KIF16B: variants seen among roughly 807,000 people sequenced by gnomAD.
KIF16B encodes kinesin-like protein KIF16B.
Under a neutral mutation model 156.3 loss-of-function variants are expected in KIF16B, and 98 were observed. The ratio of observed to expected loss-of-function variants is 0.63; its 90% CI spans 0.53 to 0.74. KIF16B has a LOEUF of 0.74. Among genes scored for constraint, KIF16B ranks in the 30% least tolerant of loss-of-function variants. KIF16B has a pLI of 0.00. For synonymous variants in KIF16B, 564 were observed against 583.7 expected (o/e 0.97, Z 0.49); for missense variants, 1,421 against 1,606.5 (o/e 0.88, Z 1.97).
chr20:16,461,726 T>C (rs1478598738), intron 12 of KIF16B, among the ~76,000 whole-genome samples: 1 of 152,206 alleles, frequency 6.6e-6, no homozygotes, highest in East Asian at 1.9e-4. Context: ...ACCTAGGTTA[T>C]TAACAAGTAA....
At chr20:16,455,099 AAATTC>A (rs560482324) in intron 12 of KIF16B, among the ~76,000 whole-genome samples, 81 of 152,360 alleles carry the variant, frequency 5.3e-4, no homozygotes, top group Admixed American at 1.2e-3. Context: ...CGAATCCAGG[AAATTC>A]ATGATTCTAC....
chr20:16,418,141 G>A (rs1338929281), intron 15 of KIF16B, among the ~76,000 whole-genome samples: 2 of 151,692 alleles, frequency 1.3e-5, no homozygotes, highest in Admixed American at 1.3e-4. Flanking sequence ...AAAAGGAGAA[G>A]AGAGATCAAG....
chr20:16,509,414 C>A (rs2068888049), intron 6 of KIF16B, among the ~76,000 whole-genome samples: 1 of 152,114 alleles, frequency 6.6e-6, no homozygotes. Flanking sequence ...CCATAGAGGG[C>A]AATTTACACC....
Position 16,369,253 on chromosome 20 carries a change from CA to C in KIF16B, c.3498+1332del, listed in dbSNP as rs973072202. Reference sequence around the variant, plus strand: ...AAGCGGGTCAAGATACCATGCTGGGCAAAACTGCCTTTTCTGTTCAAGGTGT... The same window carrying C: ...AAGCGGGTCAAGATACCATGCTGGGCAAACTGCCTTTTCTGTTCAAGGTGT... On this transcript the variant is annotated intron_variant, in intron 22 of 25. Coordinates refer to ENST00000354981, the MANE Select transcript of KIF16B (RefSeq NM_024704.5). 73 of 985,768 alleles carry C rather than the reference CA, an allele frequency of 7.4e-5. No individual in the cohort carries two copies. The African/African-American group carries it at 1.2e-3, about 16-fold the overall frequency. 61.1% of individuals were successfully genotyped at this position (985,768 alleles called of 1,614,324 possible).
intron 24 of KIF16B, among the ~76,000 whole-genome samples, chr20:16,335,549 G>C (rs1050509918): frequency 6.6e-6 from 1 of 152,048 alleles, no homozygotes; most frequent in Non-Finnish European, 1.5e-5. Flanking sequence ...AAAGAAAAAA[G>C]TGTAAATCTA....
chr20:16,358,936 G>A (rs1372395363), intron 22 of KIF16B, among the ~76,000 whole-genome samples: 1 of 152,138 alleles, frequency 6.6e-6, no homozygotes, highest in African/African-American at 2.4e-5. Flanking sequence ...CCACACAGAG[G>A]GTCAGGCCTT....
At chr20:16,509,281 G>A (rs949849330) in intron 6 of KIF16B, among the ~76,000 whole-genome samples, 3 of 152,180 alleles carry the variant, frequency 2.0e-5, no homozygotes, top group Admixed American at 6.5e-5. Flanking sequence ...TATGAGTAAT[G>A]CTGCTACAAA....
chr20:16,506,032 A>G lies in KIF16B; in HGVS notation c.858T>C (p.Ile286=), dbSNP rs751677834. The G allele has an allele frequency of 8.7e-6, 14 of 1,614,154 alleles. No individual in the cohort carries two copies. Among genetic ancestry groups the G allele is most frequent in the Non-Finnish European group, 1.2e-5 (14 of 1,179,994 alleles). ...CAGGCGTAAGCATACCTAAGGCAGAAATGACGTTCCCCAGAGTCACGAGGG... is the reference window on the plus strand; with the variant it reads ...CAGGCGTAAGCATACCTAAGGCAGAGATGACGTTCCCCAGAGTCACGAGGG... The part of the protein sequence containing the change: ...NKSLVTLGNV[I]SALADLSQDA... Residue 286 remains isoleucine (I), a synonymous_variant, in exon 8 of 26, where the codon ATT becomes ATC. Coordinates refer to ENST00000354981, the MANE Select transcript of KIF16B (RefSeq NM_024704.5).
intron 17 of KIF16B, among the ~76,000 whole-genome samples, chr20:16,395,662 AAC>A (rs2065482786): frequency 9.5e-6 from 1 of 104,796 alleles, no homozygotes; most frequent in Non-Finnish European, 2.1e-5. Context: ...CTCAGCACAG[AAC>A]TAATTAGGAG....
intron 1 of KIF16B, among the ~76,000 whole-genome samples, chr20:16,563,696 C>T (rs1176100558): frequency 6.6e-6 from 1 of 152,210 alleles, no homozygotes; most frequent in Non-Finnish European, 1.5e-5. Flanking sequence ...TCCCACTCCA[C>T]TCTCATGCTC....
rs1176781085 is a variant in KIF16B at position 16,272,508 on chromosome 20, C to T, written c.*745G>A. Reference sequence around the variant, plus strand: ...CATTTTGTGCTTAGCAGAAAAAGCTCAAGAATGCACAGTAGCCATTTAGAT... The same window carrying T: ...CATTTTGTGCTTAGCAGAAAAAGCTTAAGAATGCACAGTAGCCATTTAGAT... On this transcript the variant is annotated 3_prime_UTR_variant, in exon 26 of 26. Transcript: ENST00000354981. 6.6e-6 allele frequency: 1 copy of T among 152,564 alleles called. No homozygotes were observed. The highest frequency in any genetic ancestry group is 1.5e-5 in the Non-Finnish European group (1 of 68,042). The allele number at this position is 152,564 out of a possible 1,614,324, so 9.5% of individuals were successfully genotyped here. A position where few individuals can be genotyped will look rare whatever the true frequency, so the allele number is the denominator to read the frequency against.
chr20:16,302,713 G>C (rs1218161858), intron 25 of KIF16B, among the ~76,000 whole-genome samples: 1 of 152,078 alleles, frequency 6.6e-6, no homozygotes, highest in Non-Finnish European at 1.5e-5. Context: ...TATAGAGCTT[G>C]TACATATTTT....
intron 5 of KIF16B, among the ~76,000 whole-genome samples, chr20:16,512,609 C>T (rs2068992061): frequency 1.3e-5 from 2 of 152,208 alleles, no homozygotes; most frequent in South Asian, 2.1e-4. Context: ...GTTATTTCTG[C>T]CAGCTCCCAA....
intron 17 of KIF16B, among the ~76,000 whole-genome samples, chr20:16,403,592 C>A (rs774047685): frequency 6.6e-6 from 1 of 152,116 alleles, no homozygotes; most frequent in African/African-American, 2.4e-5. Context: ...TCCTGGAAAG[C>A]GGGGGTGGGG....
At chr20:16,336,127 C>A in intron 23 of KIF16B, 112 bp from the exon 24 acceptor site, 1 of 657,526 alleles carries the variant, frequency 1.5e-6, no homozygotes, top group East Asian at 2.8e-5. Flanking sequence ...TGTAAAATTT[C>A]TCTAGAACTG....
chr20:16,320,768 A>T (rs2063761705), intron 24 of KIF16B, among the ~76,000 whole-genome samples: 4 of 152,238 alleles, frequency 2.6e-5, no homozygotes, highest in Admixed American at 2.6e-4. Flanking sequence ...AATATAACTT[A>T]AAAAATTTGG....
chr20:16,563,672 GCCACTCCACTCTCTC>G (rs1295394366), intron 1 of KIF16B, among the ~76,000 whole-genome samples: 2 of 151,992 alleles, frequency 1.3e-5, no homozygotes, highest in Non-Finnish European at 2.9e-5. Flanking sequence ...CTCGATCTCT[GCCACTCCACTCTCTC>G]CCACTCCACT....
At chr20:16,522,805 T>G (rs569063181) in intron 3 of KIF16B, among the ~76,000 whole-genome samples, 1 of 152,180 alleles carries the variant, frequency 6.6e-6, no homozygotes, top group African/African-American at 2.4e-5. Flanking sequence ...AGAATGGATA[T>G]CCTAACAAAC....
intron 24 of KIF16B, among the ~76,000 whole-genome samples, chr20:16,313,414 T>C (rs1451485959): frequency 6.6e-6 from 1 of 152,222 alleles, no homozygotes; most frequent in Non-Finnish European, 1.5e-5. Context: ...GTATATATAA[T>C]ACTTTTAAAA....
Sources: gnomAD v4.1 joint callset for allele counts (sites outside exome capture counted in the v4.1 genomes callset) on GRCh38, gnomAD v4.1.1 for gene constraint, MANE v1.5 for transcripts, NCBI Gene and HGNC (gene_info 2026-07-23, HGNC 2026-07-21) for gene names.